The following RGS6 variants were observed in gnomAD, a reference collection of about 807,000 sequenced individuals.
RGS6 encodes regulator of G protein signaling 6.
In RGS6, 30 loss-of-function variants were observed where a neutral mutation model predicts 78.5. The observed-to-expected ratio is 0.38, with a 90% confidence interval of 0.29 to 0.52. The LOEUF (loss-of-function observed/expected upper bound fraction) is 0.52, where lower values mean the gene tolerates loss of function less well. Among genes scored for constraint, RGS6 ranks in the 20% least tolerant of loss-of-function variants. The pLI is 0.85. For missense variants in RGS6, 495 were observed against 609.7 expected (o/e 0.81, Z 1.98); for synonymous variants, 206 against 206.0 (o/e 1.00, Z 0.00).
At chr14:72,611,794 C>T in the RGS6 span, among the ~76,000 whole-genome samples, 5 of 152,134 alleles carry the variant, frequency 3.3e-5, no homozygotes, top group African/African-American at 9.7e-5. Flanking sequence ...CTTCCCCCGA[C>T]CCCTCAGCCT....
At chr14:72,407,558 T>C (rs950369703) in intron 3 of RGS6, among the ~76,000 whole-genome samples, 3 of 152,240 alleles carry the variant, frequency 2.0e-5, no homozygotes, top group Admixed American at 6.5e-5. Flanking sequence ...TGAGTGCTGT[T>C]GAGTGCTGTA....
intron 2 of RGS6, among the ~76,000 whole-genome samples, chr14:72,096,540 C>T (rs930941918): frequency 2.0e-5 from 3 of 152,178 alleles, no homozygotes; most frequent in African/African-American, 7.2e-5. Context: ...CATCCCTGTT[C>T]TGGTTATGTC....
rs548136341 is a variant in RGS6 at position 72,434,717 on chromosome 14, C to G, written c.185-19811C>G. ...ACATAGTCCTAGAATATAGAAGGCC[C>G]TCATGTTGAATGAATAGTAAAACCC... On this transcript the variant is annotated intron_variant, in intron 3 of 17. Coordinates refer to ENST00000553525, the MANE Select transcript of RGS6 (RefSeq NM_001204424.2). 3.3e-3 allele frequency among the ~76,000 whole-genome samples: 495 copies of G among 152,268 alleles called. 3 individuals are homozygous for G. Among genetic ancestry groups the G allele is most frequent in the African/African-American group, 0.011 (473 of 41,536 alleles).
chr14:72,545,077 C>T (rs1298885251), intron 17 of RGS6, among the ~76,000 whole-genome samples: 2 of 152,264 alleles, frequency 1.3e-5, no homozygotes, highest in Non-Finnish European at 2.9e-5. Flanking sequence ...TCAGCAGAAT[C>T]CCCAGAGGGC....
chr14:72,172,000 A>G (rs1459201708), intron 2 of RGS6, among the ~76,000 whole-genome samples: 6 of 152,146 alleles, frequency 3.9e-5, no homozygotes. Context: ...TGAGCTTGCC[A>G]TGCCTCTTGG....
chr14:72,213,941 C>G (rs1014902562), intron 2 of RGS6, among the ~76,000 whole-genome samples: 1 of 152,060 alleles, frequency 6.6e-6, no homozygotes, highest in East Asian at 1.9e-4. Context: ...TTCTTGATGA[C>G]CTAGCTTCAT....
At chr14:72,551,959 C>G (rs995574222) in intron 17 of RGS6, among the ~76,000 whole-genome samples, 3 of 152,244 alleles carry the variant, frequency 2.0e-5, no homozygotes, top group Non-Finnish European at 4.4e-5. Context: ...GTCCTTAGCA[C>G]ACTGTGTGCA....
At chr14:72,185,839 G>A (rs1179646007) in intron 2 of RGS6, among the ~76,000 whole-genome samples, 4 of 152,220 alleles carry the variant, frequency 2.6e-5, no homozygotes, top group Non-Finnish European at 5.9e-5. Context: ...CAGCTACTCA[G>A]GAGGCTGAAA....
At chr14:72,542,113 A>AAAAAAAAAAAAAC (rs375561739) in intron 17 of RGS6, among the ~76,000 whole-genome samples, 1 of 152,078 alleles carries the variant, frequency 6.6e-6, no homozygotes, top group African/African-American at 2.4e-5. Flanking sequence ...ATTAAAAAAA[A>AAAAAAAAAAAAAC]CTAAATTCCT....
At chr14:72,592,744 C>T in the RGS6 span, among the ~76,000 whole-genome samples, 1 of 152,206 alleles carries the variant, frequency 6.6e-6, no homozygotes, top group Non-Finnish European at 1.5e-5. Flanking sequence ...TTCAAGGAGA[C>T]ACTCAGAAAG....
intron 2 of RGS6, among the ~76,000 whole-genome samples, chr14:72,172,814 A>G (rs2097044772): frequency 6.6e-6 from 1 of 152,230 alleles, no homozygotes; most frequent in Non-Finnish European, 1.5e-5. Flanking sequence ...GGAGCTAGAG[A>G]GAAAACAAAT....
At chr14:72,011,254 T>C (rs2085640258) in intron 2 of RGS6, among the ~76,000 whole-genome samples, 1 of 152,240 alleles carries the variant, frequency 6.6e-6, no homozygotes, top group African/African-American at 2.4e-5. Flanking sequence ...TATTGTTTTT[T>C]CTTGTGTCAG....
At chr14:72,575,353 G>A in the RGS6 span, among the ~76,000 whole-genome samples, 1 of 152,132 alleles carries the variant, frequency 6.6e-6, no homozygotes, top group Admixed American at 6.5e-5. Flanking sequence ...TGGAATGGAG[G>A]AAGACCCTTG....
At chr14:72,073,712 T>C (rs1380477261) in intron 2 of RGS6, among the ~76,000 whole-genome samples, 2 of 152,182 alleles carry the variant, frequency 1.3e-5, no homozygotes, top group East Asian at 3.8e-4. Flanking sequence ...ACAATGGCCT[T>C]GGCTGGAATA....
intron 15 of RGS6, among the ~76,000 whole-genome samples, chr14:72,532,458 T>C (rs190522074): frequency 1.0e-3 from 154 of 152,236 alleles, no homozygotes; most frequent in Middle Eastern, 3.4e-3. Flanking sequence ...AACTCTGCAG[T>C]GGTCTCTAAG....
rs138918986 is a variant in RGS6 at position 72,376,559 on chromosome 14, A to G, written c.184+24365A>G. 2.5e-3 allele frequency among the ~76,000 whole-genome samples: 377 copies of G among 152,350 alleles called. 2 individuals are homozygous for G. Among genetic ancestry groups the G allele is most frequent in the African/African-American group, 8.8e-3 (366 of 41,584 alleles). On this transcript the variant is annotated intron_variant, in intron 3 of 17. Transcript: ENST00000553525. ...GGCACATTTTAGTCAAATTGTCAAAAGTCAAAGACAAACAGCAAAAGAAAA... is the reference window on the plus strand; with the variant it reads ...GGCACATTTTAGTCAAATTGTCAAAGGTCAAAGACAAACAGCAAAAGAAAA...
At chr14:72,492,033 C>A (rs898232462) in intron 12 of RGS6, among the ~76,000 whole-genome samples, 4 of 152,160 alleles carry the variant, frequency 2.6e-5, no homozygotes, top group Non-Finnish European at 4.4e-5. Flanking sequence ...AAGAGGCCAC[C>A]TGAAAATAAG....
At chr14:72,036,200 A>AGTCTTATTATTATTAT (rs138140828) in intron 2 of RGS6, among the ~76,000 whole-genome samples, 4,483 of 146,800 alleles carry the variant, frequency 0.031, 103 homozygotes, top group African/African-American at 0.057. Flanking sequence ...GCATGTAAAC[A>AGTCTTATTATTATTAT]TATTATTATT....
intron 6 of RGS6, 148 bp from the exon 7 acceptor site, chr14:72,465,610 A>G (rs1038540612): frequency 1.1e-5 from 6 of 547,210 alleles, no homozygotes; most frequent in Non-Finnish European, 1.7e-5. Context: ...GGTTGGGTGG[A>G]TGGGTGGATG....
Sources: gnomAD v4.1 joint callset for allele counts (sites outside exome capture counted in the v4.1 genomes callset) on GRCh38, gnomAD v4.1.1 for gene constraint, MANE v1.5 for transcripts, NCBI Gene and HGNC (gene_info 2026-07-23, HGNC 2026-07-21) for gene names.